CEP112: variants seen among roughly 807,000 people sequenced by gnomAD.
CEP112 encodes the protein centrosomal protein of 112 kDa.
A neutral mutation model predicts 153.0 loss-of-function variants in CEP112; 127 were observed. That is an observed-to-expected ratio of 0.83 (90% CI 0.72 to 0.96). The LOEUF (loss-of-function observed/expected upper bound fraction) is 0.96, where lower values mean the gene tolerates loss of function less well. Among genes scored for constraint, CEP112 ranks in the 40% least tolerant of loss-of-function variants. The pLI is 0.00. For synonymous variants in CEP112, 358 were observed against 374.4 expected, an observed-to-expected ratio of 0.96 and a Z score of 0.51; for missense variants, 1,089 against 1,101.2, an observed-to-expected ratio of 0.99 and a Z score of 0.16.
At chr17:66,190,475 T>C (rs1303711829) in intron 1 of CEP112, among the ~76,000 whole-genome samples, 1 of 152,188 alleles carries the variant, frequency 6.6e-6, no homozygotes, top group Non-Finnish European at 1.5e-5. Flanking sequence ...ATCTTTGGCT[T>C]AGGCTTAGAG....
chr17:65,876,352 T>C (rs995798250), intron 20 of CEP112, among the ~76,000 whole-genome samples: 2 of 152,236 alleles, frequency 1.3e-5, no homozygotes, highest in South Asian at 2.1e-4. Context: ...GGCTTATGTA[T>C]AGAAGTCTGA....
intron 21 of CEP112, among the ~76,000 whole-genome samples, chr17:65,800,056 T>C (rs192492574): frequency 9.8e-5 from 15 of 152,304 alleles, no homozygotes; most frequent in African/African-American, 3.4e-4. Context: ...TTCTTCTGCT[T>C]CTTGATAGAC....
At chr17:66,032,660 C>G (rs186596173) in intron 12 of CEP112, among the ~76,000 whole-genome samples, 2 of 152,178 alleles carry the variant, frequency 1.3e-5, no homozygotes, top group African/African-American at 4.8e-5. Flanking sequence ...ACATCATCCA[C>G]AGCCTTTATT....
At chr17:65,862,930 C>T (rs2058355606) in intron 20 of CEP112, among the ~76,000 whole-genome samples, 1 of 152,034 alleles carries the variant, frequency 6.6e-6, no homozygotes, top group Admixed American at 6.6e-5. Flanking sequence ...TTGAATATTA[C>T]ATGGCTTCAT....
chr17:66,134,676 G>C (rs77620153), intron 4 of CEP112, among the ~76,000 whole-genome samples: 1 of 151,954 alleles, frequency 6.6e-6, no homozygotes, highest in African/African-American at 2.4e-5. Flanking sequence ...GCAGTCAGTC[G>C]GGCATGGTGG....
intron 21 of CEP112, among the ~76,000 whole-genome samples, chr17:65,774,690 T>C (rs2053575874): frequency 6.6e-6 from 1 of 152,116 alleles, no homozygotes; most frequent in Non-Finnish European, 1.5e-5. Context: ...CCCCATGGCA[T>C]GATAGAGCCA....
At chr17:66,129,966 G>A in intron 5 of CEP112, 143 bp from the exon 6 acceptor site, 4 of 496,028 alleles carry the variant, frequency 8.1e-6, no homozygotes, top group Admixed American at 4.0e-5. Context: ...AAAAAAGGAA[G>A]AAAGGAAGGG....
intron 21 of CEP112, chr17:65,826,381 A>G: frequency 6.3e-7 from 1 of 1,591,756 alleles, no homozygotes; most frequent in Non-Finnish European, 8.5e-7. Context: ...ACTTCTAACA[A>G]GAAGCCAGTG....
chr17:65,781,762 C>T (rs766632645), intron 21 of CEP112, among the ~76,000 whole-genome samples: 9 of 152,040 alleles, frequency 5.9e-5, no homozygotes, highest in Non-Finnish European at 8.8e-5. Context: ...GAAAGAACTC[C>T]GTATTCAAAA....
At chr17:66,058,450 C>G (rs1020425932) in intron 11 of CEP112, among the ~76,000 whole-genome samples, 7 of 151,900 alleles carry the variant, frequency 4.6e-5, no homozygotes, top group African/African-American at 1.7e-4. Flanking sequence ...ATAGATTCAA[C>G]ACTATCCTAT....
At chr17:66,136,373 T>G (rs923175577) in intron 4 of CEP112, among the ~76,000 whole-genome samples, 4 of 152,052 alleles carry the variant, frequency 2.6e-5, no homozygotes, top group African/African-American at 9.7e-5. Context: ...GGGACCGGAT[T>G]CTGCAAGTAC....
At chr17:66,149,422 T>C (rs2071068284) in intron 4 of CEP112, among the ~76,000 whole-genome samples, 1 of 152,214 alleles carries the variant, frequency 6.6e-6, no homozygotes, top group Non-Finnish European at 1.5e-5. Context: ...AATTCTTCTT[T>C]AAATGTTTGG....
intron 16 of CEP112, among the ~76,000 whole-genome samples, chr17:66,019,828 G>C (rs2064928775): frequency 1.3e-5 from 2 of 152,218 alleles, no homozygotes. Context: ...ACTGGATACA[G>C]ATGAACTGAG....
At chr17:65,743,238 T>C (rs1208079503) in intron 22 of CEP112, 21 bp from the exon 23 acceptor site, 2 of 1,578,360 alleles carry the variant, frequency 1.3e-6, no homozygotes, top group Admixed American at 1.8e-5. Context: ...AACAGCATGC[T>C]ATAACTTCAA....
At chr17:66,148,869 T>C (rs1456338381) in intron 4 of CEP112, among the ~76,000 whole-genome samples, 1 of 152,176 alleles carries the variant, frequency 6.6e-6, no homozygotes, top group African/African-American at 2.4e-5. Context: ...ATTGCCTATG[T>C]TGAATACACA....
intron 6 of CEP112, among the ~76,000 whole-genome samples, chr17:66,122,307 G>A (rs1307410143): frequency 6.6e-6 from 1 of 152,016 alleles, no homozygotes; most frequent in Non-Finnish European, 1.5e-5. Context: ...GGCCATTTCT[G>A]TTGCATAATT....
intron 10 of CEP112, among the ~76,000 whole-genome samples, chr17:66,065,117 C>A (rs760636194): frequency 1.4e-4 from 21 of 152,158 alleles, no homozygotes; most frequent in Non-Finnish European, 2.9e-4. Flanking sequence ...TTCACTAAAT[C>A]ATGATTCACT....
At chr17:65,882,739 CTG>C (rs962502385) in intron 20 of CEP112, among the ~76,000 whole-genome samples, 6 of 152,154 alleles carry the variant, frequency 3.9e-5, no homozygotes, top group African/African-American at 1.4e-4. Context: ...GTCTTTGTCA[CTG>C]TATGTTAAAA....
chr17:66,069,962 C>T lies in CEP112; in HGVS notation c.808G>A (p.Glu270Lys). ...TTCTGTTGCAGTTTAAGCTTTTCTTCATGAAATTTAGCTTCCATCATTTTT... is the reference window on the plus strand; with the variant it reads ...TTCTGTTGCAGTTTAAGCTTTTCTTTATGAAATTTAGCTTCCATCATTTTT... ...KTKMMEAKFH[E>K]EKLKLQQKHD... The change falls in exon 9 of 27, where the codon GAA becomes AAA. Residue 270 changes from glutamate (E) to lysine (K), a missense_variant. Transcript: ENST00000535342. The T allele has an allele frequency of 6.2e-7, 1 of 1,607,524 alleles. No homozygotes were observed. Among genetic ancestry groups the T allele is most frequent in the Admixed American group, 1.7e-5 (1 of 59,338 alleles).
Sources: gnomAD v4.1 joint callset for allele counts (sites outside exome capture counted in the v4.1 genomes callset) on GRCh38, gnomAD v4.1.1 for gene constraint, MANE v1.5 for transcripts, NCBI Gene and HGNC (gene_info 2026-07-23, HGNC 2026-07-21) for gene names.